CTNNA3: variants seen among roughly 807,000 people sequenced by gnomAD.
CTNNA3 encodes the protein catenin alpha-3.
CTNNA3 carries 76 observed loss-of-function variants against 95.7 expected under a neutral mutation model. The ratio of observed to expected loss-of-function variants is 0.79; its 90% CI spans 0.66 to 0.96. The LOEUF (loss-of-function observed/expected upper bound fraction) is 0.96, where lower values mean the gene tolerates loss of function less well. CTNNA3 is among the 40% of genes least tolerant of loss of function. The pLI is 0.00. For synonymous variants in CTNNA3, 431 were observed against 374.4 expected (o/e 1.15, Z -1.74); for missense variants, 1,191 against 1,089.8 (o/e 1.09, Z -1.31).
rs561292083 is a variant in CTNNA3, at chr10:66,143,104, A to G, written c.1885-39855T>C. Among the ~76,000 whole-genome samples the G allele has an allele frequency of 1.7e-4, 26 of 152,194 alleles. No homozygotes were observed. In the South Asian group the frequency reaches 5.0e-3, roughly 29 times the overall value. ...CTGGTCTCATATATTTCCTAATAGA[A>G]TATACCACCACCATTATTATGGAAC... On this transcript the variant is annotated intron_variant, in intron 13 of 17. Transcript: ENST00000433211.
At chr10:66,322,089 G>A (rs1032979301) in intron 12 of CTNNA3, among the ~76,000 whole-genome samples, 1 of 152,126 alleles carries the variant, frequency 6.6e-6, no homozygotes, top group Non-Finnish European at 1.5e-5. Context: ...CTCAGAACAG[G>A]CCTCACAGAG....
chr10:66,007,031 A>G (rs1024799831), intron 15 of CTNNA3, among the ~76,000 whole-genome samples: 3 of 151,792 alleles, frequency 2.0e-5, no homozygotes, highest in Non-Finnish European at 4.4e-5. Flanking sequence ...CCGCACCCCC[A>G]CCATTCTAGT....
intron 14 of CTNNA3, among the ~76,000 whole-genome samples, chr10:66,090,562 C>T (rs2081175303): frequency 6.6e-6 from 1 of 151,964 alleles, no homozygotes; most frequent in African/African-American, 2.4e-5. Flanking sequence ...TGCTCAATGA[C>T]AGCAGTTAGT....
chr10:67,300,543 G>A (rs1256329886), intron 5 of CTNNA3, among the ~76,000 whole-genome samples: 1 of 152,190 alleles, frequency 6.6e-6, no homozygotes, highest in Non-Finnish European at 1.5e-5. Flanking sequence ...CCCCAAGCCT[G>A]TGAATTCCTT....
intron 15 of CTNNA3, among the ~76,000 whole-genome samples, chr10:66,024,310 CG>C (rs1173900649): frequency 6.6e-6 from 1 of 151,898 alleles, no homozygotes; most frequent in East Asian, 1.9e-4. Context: ...AGGATGGTCT[CG>C]ATCTCCTGAC....
At chr10:67,531,664 G>A (rs1046477508) in intron 4 of CTNNA3, among the ~76,000 whole-genome samples, 2 of 152,158 alleles carry the variant, frequency 1.3e-5, no homozygotes, top group African/African-American at 4.8e-5. Flanking sequence ...ATGCTGAAAT[G>A]AATTAAGACT....
At chr10:67,679,219 T>C (rs1434702865) in intron 1 of CTNNA3, among the ~76,000 whole-genome samples, 1 of 152,186 alleles carries the variant, frequency 6.6e-6, no homozygotes. Flanking sequence ...CTCTTTATGG[T>C]TGGGGGCTTT....
At position 66,903,690 on chromosome 10, in the gene CTNNA3, C is replaced by T. The variant is rs111475854; in HGVS notation, c.1048-128166G>A. On this transcript the variant is annotated intron_variant, in intron 7 of 17. Coordinates refer to ENST00000433211, the MANE Select transcript of CTNNA3 (RefSeq NM_013266.4). ...GCAACTTCAGCAAAGTCTCAGGATA[C>T]AAAATCAATGTGCAAAAATCACAAG... 9.2e-5 allele frequency among the ~76,000 whole-genome samples: 14 copies of T among 152,158 alleles called. No individual in the cohort carries two copies. The South Asian group carries it at 1.0e-3, about 11-fold the overall frequency.
intron 5 of CTNNA3, among the ~76,000 whole-genome samples, chr10:67,510,225 C>T (rs9702634): frequency 0.18 from 27,742 of 152,106 alleles, 3,618 homozygotes; most frequent in East Asian, 0.67. Flanking sequence ...GCTTTTGTTG[C>T]CATTGCTTTG....
At chr10:67,086,821 T>C (rs1178406670) in intron 7 of CTNNA3, among the ~76,000 whole-genome samples, 1 of 152,048 alleles carries the variant, frequency 6.6e-6, no homozygotes, top group East Asian at 1.9e-4. Flanking sequence ...GTTTGTTTGC[T>C]TTATAATTTT....
At chr10:67,728,281 C>T (rs1841255492) in intron 1 of CTNNA3, among the ~76,000 whole-genome samples, 1 of 148,802 alleles carries the variant, frequency 6.7e-6, no homozygotes, top group Non-Finnish European at 1.5e-5. Context: ...TGGTGAAACC[C>T]CATCTCCACA....
At chr10:67,160,320 A>G (rs1861480180) in intron 7 of CTNNA3, among the ~76,000 whole-genome samples, 1 of 152,216 alleles carries the variant, frequency 6.6e-6, no homozygotes. Flanking sequence ...CATTTCCTCA[A>G]AAAAATTAAA....
chr10:67,529,740 A>AT (rs1353213378), intron 4 of CTNNA3, among the ~76,000 whole-genome samples: 1 of 152,186 alleles, frequency 6.6e-6, no homozygotes, highest in Non-Finnish European at 1.5e-5. Flanking sequence ...CCAATAGGAA[A>AT]TTCATGACAA....
intron 7 of CTNNA3, among the ~76,000 whole-genome samples, chr10:66,981,413 T>C (rs1208002056): frequency 6.6e-6 from 1 of 152,234 alleles, no homozygotes; most frequent in Non-Finnish European, 1.5e-5. Flanking sequence ...GGATTTTGAG[T>C]CCCTTTGAAT....
intron 13 of CTNNA3, among the ~76,000 whole-genome samples, chr10:66,165,154 T>A (rs2133945860): frequency 6.6e-6 from 1 of 152,128 alleles, no homozygotes. Context: ...CCTAAGTGAA[T>A]TAAGGCAGGA....
At chr10:67,615,166 C>T (rs1843606491) in intron 2 of CTNNA3, among the ~76,000 whole-genome samples, 1 of 152,154 alleles carries the variant, frequency 6.6e-6, no homozygotes, top group Admixed American at 6.5e-5. Flanking sequence ...ATAACCATAA[C>T]CTTTTTAAAA....
intron 15 of CTNNA3, among the ~76,000 whole-genome samples, chr10:66,064,200 T>C (rs1265304373): frequency 6.6e-6 from 1 of 151,998 alleles, no homozygotes; most frequent in East Asian, 1.9e-4. Context: ...TATGAAACCA[T>C]CAGATCTCCT....
At chr10:66,115,206 T>A (rs1055636392) in intron 13 of CTNNA3, among the ~76,000 whole-genome samples, 2 of 152,146 alleles carry the variant, frequency 1.3e-5, no homozygotes, top group Admixed American at 1.3e-4. Context: ...TATTTGAAGC[T>A]GATGTGGACA....
intron 5 of CTNNA3, among the ~76,000 whole-genome samples, chr10:67,329,594 T>C (rs1841701601): frequency 6.6e-6 from 1 of 152,240 alleles, no homozygotes; most frequent in Non-Finnish European, 1.5e-5. Flanking sequence ...AGAATATACA[T>C]ACATATTGTC....
Sources: allele counts gnomAD v4.1 joint callset (sites outside exome capture counted in the v4.1 genomes callset), GRCh38; gene constraint gnomAD v4.1.1; transcripts MANE v1.5; gene names NCBI Gene and HGNC (gene_info 2026-07-23, HGNC 2026-07-21).